Variants in CPOX observed in about 807,000 individuals in gnomAD.
The protein encoded by CPOX is coproporphyrinogen oxidase.
In CPOX, 24 loss-of-function variants were observed where a neutral mutation model predicts 48.9. That is an observed-to-expected ratio of 0.49 (90% CI 0.36 to 0.69). CPOX has a LOEUF of 0.69. Among genes scored for constraint, CPOX ranks in the 30% least tolerant of loss-of-function variants. CPOX has a pLI of 0.00. For synonymous variants in CPOX, 249 were observed against 234.6 expected (o/e 1.06, Z -0.56); for missense variants, 549 against 597.3 (o/e 0.92, Z 0.84).
chr3:98,593,042 G>A lies in CPOX; in HGVS notation c.463C>T (p.Leu155=). The part of the protein sequence containing the change: ...PGDMKTKMEL[L]ILETQAQVCQ... The stretch of plus-strand genomic sequence containing the variant: ...ACCTGGGCCTGGGTCTCCAGAATCA[G>A]CAGCTCCATCTTGGTCTTCATGTCG... Residue 155 remains leucine, a synonymous_variant, in exon 1 of 7, where the codon CTG becomes TTG. Coordinates refer to ENST00000647941, the MANE Select transcript of CPOX (RefSeq NM_000097.7). 1 of 1,613,956 alleles carries A rather than the reference G, an allele frequency of 6.2e-7. No homozygotes were observed.
At chr3:98,582,369 T>A (rs112948633) in intron 5 of CPOX, among the ~76,000 whole-genome samples, 287 of 152,340 alleles carry the variant, frequency 1.9e-3, no homozygotes, top group Non-Finnish European at 3.4e-3. Flanking sequence ...TCATTTCTTA[T>A]CTTATTCAGA....
chr3:98,590,855 T>A, intron 2 of CPOX, 113 bp from the exon 3 acceptor site: 1 of 1,240,878 alleles, frequency 8.1e-7, no homozygotes. Flanking sequence ...TTTTAATTTG[T>A]CACTTAAAAA....
Position 98,593,245 on chromosome 3 carries a change from C to A in CPOX, c.260G>T (p.Gly87Val), listed in dbSNP as rs1451524849. Residue 87 changes from glycine (G) to valine (V), a missense_variant, in exon 1 of 7, where the codon GGG becomes GTG. By Grantham distance (109) the Gly-to-Val change is moderately radical. Around this residue, in one of 2 missense-constraint regions of CPOX, gnomAD observed 336 missense variants for 318.1 expected, o/e 1.06. Transcript: ENST00000647941. ...GLAAALAGLV[G>V]LATAAFGHVQ... The stretch of plus-strand genomic sequence containing the variant: ...ATGCCCGAAGGCGGCGGTGGCCAGC[C>A]CCACCAACCCCGCCAGCGCCGCGGC... The A allele has an allele frequency of 1.3e-6, 2 of 1,531,784 alleles. No individual in the cohort carries two copies. Among genetic ancestry groups the A allele is most frequent in the Non-Finnish European group, 1.7e-6 (2 of 1,143,658 alleles). The allele number at this position is 1,531,784 out of a possible 1,614,324, so 94.9% of individuals were successfully genotyped here.
downstream of CPOX, chr3:98,579,404 G>T: frequency 1.5e-6 from 1 of 649,046 alleles, no homozygotes; most frequent in Non-Finnish European, 1.9e-6. Flanking sequence ...AAATATATGC[G>T]TTTTCCTATA....
Position 98,590,689 on chromosome 3 carries a change from G to A in CPOX, c.754C>T (p.Pro252Ser), listed in dbSNP as rs1366830074. 6.2e-7 allele frequency: 1 copy of A among 1,613,982 alleles called. No homozygotes were observed. The highest frequency in any genetic ancestry group is 1.7e-5 in the Admixed American group (1 of 60,004). The change falls in exon 3 of 7, where the codon CCT becomes TCT. Residue 252 changes from proline to serine, a missense_variant. By Grantham distance (74) the Pro-to-Ser change is moderately conservative. This residue lies in a region of CPOX where 213 missense variants were observed against 279.1 expected (regional missense o/e 0.76). Coordinates refer to ENST00000647941, the MANE Select transcript of CPOX (RefSeq NM_000097.7). ...GVSSVIHPKN[P>S]HAPTIHFNYR... ...TTGAAATGGATAGTAGGAGCATGAG[G>A]ATTCTTGGGGTGGATAACAGAGCTC...
downstream of CPOX, among the ~76,000 whole-genome samples, chr3:98,578,524 T>C (rs540426151): frequency 6.6e-6 from 1 of 152,352 alleles, no homozygotes; most frequent in African/African-American, 2.4e-5. Context: ...TAAATGTATA[T>C]ACAGTCTAGT....
At position 98,580,672 on chromosome 3, in the gene CPOX, T is replaced by C. The variant is rs527735320; in HGVS notation, c.*11A>G. Reference sequence around the variant, plus strand: ...TGCCCTCCAAACCCCTGCACAGCCATTCTGCCTGCATCAACGCACCCAGTC... The same window carrying C: ...TGCCCTCCAAACCCCTGCACAGCCACTCTGCCTGCATCAACGCACCCAGTC... On this transcript the variant is annotated 3_prime_UTR_variant, in exon 7 of 7. Transcript: ENST00000647941. The C allele has an allele frequency of 1.2e-6, 2 of 1,614,162 alleles. No individual in the cohort carries two copies. The highest frequency in any genetic ancestry group is 2.2e-5 in the East Asian group (1 of 44,880).
chr3:98,571,030 C>A, the CPOX span, among the ~76,000 whole-genome samples: 1 of 152,150 alleles, frequency 6.6e-6, no homozygotes. Flanking sequence ...TTTCCCAGTT[C>A]TATAATTTAT....
chr3:98,593,355 G>C lies in CPOX; in HGVS notation c.150C>G (p.Pro50=), dbSNP rs968622070. ...TCTGCTCCGTGCCAGCCGGGCCAGG[G>C]GGCCGGCAGACGCGTCCGGCTGCGC... ...QRSAAGRVCR[P]PGPAGTEQSR... is the part of the protein sequence containing the mutation. Residue 50 remains proline, a synonymous_variant, in exon 1 of 7, where the codon CCC becomes CCG. Coordinates refer to ENST00000647941, the MANE Select transcript of CPOX (RefSeq NM_000097.7). The C allele has an allele frequency of 1.5e-6, 2 of 1,341,096 alleles. No individual in the cohort carries two copies. Among genetic ancestry groups the C allele is most frequent in the African/African-American group, 1.5e-5 (1 of 64,882 alleles). The allele number at this position is 1,341,096 out of a possible 1,614,324, so 83.1% of individuals were successfully genotyped here.
chr3:98,576,383 G>A (rs934095391), downstream of CPOX, among the ~76,000 whole-genome samples: 14 of 152,252 alleles, frequency 9.2e-5, no homozygotes, highest in African/African-American at 2.4e-4. Flanking sequence ...AGAACAGCAC[G>A]GGGATGGTTT....
chr3:98,588,928 AT>A, intron 3 of CPOX, 74 bp from the exon 4 acceptor site: 2 of 1,539,582 alleles, frequency 1.3e-6, no homozygotes, highest in Non-Finnish European at 1.8e-6. Context: ...AGGACACTTA[AT>A]TTAGCAGCTT....
chr3:98,578,236 C>G (rs1188392021), downstream of CPOX: 3 of 970,988 alleles, frequency 3.1e-6, no homozygotes, highest in Non-Finnish European at 3.7e-6. Context: ...CAGACATAGT[C>G]TAATCCATAG....
downstream of CPOX, among the ~76,000 whole-genome samples, chr3:98,576,612 T>G (rs886811141): frequency 6.6e-6 from 1 of 152,208 alleles, no homozygotes; most frequent in Non-Finnish European, 1.5e-5. Flanking sequence ...AATGTGCTAA[T>G]TTAGGTTTAT....
chr3:98,593,174 T>C lies in CPOX; in HGVS notation c.331A>G (p.Thr111Ala). ...MLPKTSGTRATSLGRPEEEED... is the reference protein window; with the variant it reads ...MLPKTSGTRAASLGRPEEEED... Reference sequence around the variant, plus strand: ...TCCTCCTCCGGCCTCCCCAGCGAAGTGGCCCGCGTCCCCGAGGTCTTAGGC... The same window carrying C: ...TCCTCCTCCGGCCTCCCCAGCGAAGCGGCCCGCGTCCCCGAGGTCTTAGGC... Residue 111 changes from threonine to alanine, a missense_variant, in exon 1 of 7, where the codon ACT (threonine) becomes GCT (alanine). By Grantham distance (58) the Thr-to-Ala change is moderately conservative (BLOSUM62 0). Around this residue, in one of 2 missense-constraint regions of CPOX, gnomAD observed 336 missense variants for 318.1 expected, o/e 1.06. Transcript: ENST00000647941. The C allele has an allele frequency of 6.2e-7, 1 of 1,610,068 alleles. No individual in the cohort carries two copies. The highest frequency in any genetic ancestry group is 8.5e-7 in the Non-Finnish European group (1 of 1,178,586).
At chr3:98,584,635 C>A (rs1384834044) in intron 5 of CPOX, among the ~76,000 whole-genome samples, 3 of 152,138 alleles carry the variant, frequency 2.0e-5, no homozygotes, top group Admixed American at 6.5e-5. Context: ...ATTTTATAGC[C>A]ATGTTTCAGT....
chr3:98,582,157 T>C (rs1375955978), intron 5 of CPOX, among the ~76,000 whole-genome samples: 4 of 152,170 alleles, frequency 2.6e-5, no homozygotes, highest in Non-Finnish European at 5.9e-5. Flanking sequence ...TAAATACCCT[T>C]AGCATCAACT....
downstream of CPOX, among the ~76,000 whole-genome samples, chr3:98,575,857 C>G (rs1348129275): frequency 3.3e-5 from 5 of 149,596 alleles, no homozygotes; most frequent in Non-Finnish European, 5.9e-5. Flanking sequence ...CACCTGAGGT[C>G]AGGATTTCAA....
At chr3:98,571,410 C>T in the CPOX span, among the ~76,000 whole-genome samples, 1 of 151,952 alleles carries the variant, frequency 6.6e-6, no homozygotes, top group African/African-American at 2.4e-5. Flanking sequence ...ACGCTGTGGC[C>T]GGGCGCGGTG....
Position 98,593,205 on chromosome 3 carries a change from C to G in CPOX, c.300G>C (p.Glu100Asp). 1 of 1,592,728 alleles carries G rather than the reference C, an allele frequency of 6.3e-7. No homozygotes were observed. The highest frequency in any genetic ancestry group is 8.5e-7 in the Non-Finnish European group (1 of 1,169,980). The change falls in exon 1 of 7, where the codon GAG (glutamate) becomes GAC (aspartate). Residue 100 changes from glutamate (E) to aspartate (D), a missense_variant. Glu to Asp is a conservative substitution (Grantham distance 45). Transcript: ENST00000647941. Reference protein sequence around the residue: ...TAAFGHVQRAEMLPKTSGTRA... With the variant: ...TAAFGHVQRADMLPKTSGTRA... ...GCGTCCCCGAGGTCTTAGGCAACAT[C>G]TCCGCCCGCTGCACATGCCCGAAGG...
Sources: gnomAD v4.1 joint callset for allele counts (sites outside exome capture counted in the v4.1 genomes callset) on GRCh38, gnomAD v4.1.1 for gene constraint, gnomAD v4.1.1 regional missense constraint, MANE v1.5 for transcripts, NCBI Gene and HGNC (gene_info 2026-07-23, HGNC 2026-07-21) for gene names.